Variants in ATP2B2 observed in about 807,000 individuals in gnomAD.
ATP2B2 encodes ATPase plasma membrane Ca2+ transporting 2.
A neutral mutation model predicts 120.0 loss-of-function variants in ATP2B2; 15 were observed. The observed-to-expected ratio is 0.12, with a 90% CI of 0.08 to 0.19. The LOEUF (loss-of-function observed/expected upper bound fraction) is 0.19, where lower values mean the gene tolerates loss of function less well. ATP2B2 is among the 10% of genes least tolerant of loss of function. The pLI is 1.00. For missense variants in ATP2B2, 1,045 were observed against 1,719.8 expected, an observed-to-expected ratio of 0.61 and a Z score of 6.94; for synonymous variants, 694 against 700.3, an observed-to-expected ratio of 0.99 and a Z score of 0.14.
intron 2 of ATP2B2, among the ~76,000 whole-genome samples, chr3:10,577,575 G>A (rs1271902497): frequency 1.3e-5 from 2 of 152,196 alleles, no homozygotes; most frequent in East Asian, 3.8e-4. Context: ...CCCAACCTCA[G>A]AACGGGTTGT....
chr3:10,331,943 A>T lies in ATP2B2; in HGVS notation c.3421-2818T>A, dbSNP rs2059992025. 21 of 1,532,876 alleles carry T rather than the reference A, an allele frequency of 1.4e-5. No individual in the cohort carries two copies. In the South Asian group the frequency reaches 2.5e-4, roughly 18 times the overall value. 95.0% of individuals were successfully genotyped at this position (1,532,876 alleles called of 1,614,324 possible). ...CAAGGAAGCCAAGAGTCTGGGATTG[A>T]TTCACATTCATTTCAGGCTCAAGGT... On this transcript the variant is annotated intron_variant, in intron 22 of 22. Transcript: ENST00000360273.
rs190881173 is a variant in ATP2B2 at position 10,525,600 on chromosome 3, G to A, written c.-320+8439C>T. ...TTCCTCTTCCAGGTCCCCATCTAGGGTGCTGCATTGTATTTAGTCACCATG... is the reference window on the plus strand; with the variant it reads ...TTCCTCTTCCAGGTCCCCATCTAGGATGCTGCATTGTATTTAGTCACCATG... On this transcript the variant is annotated intron_variant, in intron 3 of 21. Transcript: ENST00000646379. Among the ~76,000 whole-genome samples the A allele has an allele frequency of 1.9e-3, 294 of 151,948 alleles. 5 individuals are homozygous for A. Among genetic ancestry groups the A allele is most frequent in the Admixed American group, 0.017 (257 of 15,230 alleles).
chr3:10,435,001 G>C (rs1236861998), intron 2 of ATP2B2, among the ~76,000 whole-genome samples: 1 of 152,246 alleles, frequency 6.6e-6, no homozygotes, highest in Non-Finnish European at 1.5e-5. Flanking sequence ...CTCTATGGGG[G>C]AAGAGAGTTC....
In ATP2B2 at chr3:10,328,840, T is replaced by A. The variant is rs2059906964; in HGVS notation, c.3706A>T (p.Ile1236Phe). Residue 1236 changes from isoleucine to phenylalanine, a missense_variant, in exon 23 of 23, where the codon ATC becomes TTC. Around this residue, in one of 11 missense-constraint regions of ATP2B2, gnomAD observed 211 missense variants for 385.1 expected, o/e 0.55. Coordinates refer to ENST00000360273, the MANE Select transcript of ATP2B2 (RefSeq NM_001001331.4). ...TAAAGCGACGTCTCCAGGCTGTGGATGGGGCTCCCTGGACTTGAAGAGGTA... is the reference window on the plus strand; with the variant it reads ...TAAAGCGACGTCTCCAGGCTGTGGAAGGGGCTCCCTGGACTTGAAGAGGTA... Reference protein sequence around the residue: ...SATSSSPGSPIHSLETSL With the variant: ...SATSSSPGSPFHSLETSL 2 of 1,611,846 alleles carry A rather than the reference T, an allele frequency of 1.2e-6. No individual in the cohort carries two copies. Among genetic ancestry groups the A allele is most frequent in the African/African-American group, 2.7e-5 (2 of 74,754 alleles).
intron 1 of ATP2B2, among the ~76,000 whole-genome samples, chr3:10,693,136 C>T (rs1226952288): frequency 2.0e-5 from 3 of 152,196 alleles, no homozygotes; most frequent in Non-Finnish European, 1.5e-5. Flanking sequence ...GAAGTCATTC[C>T]ACAACCAACA....
intron 8 of ATP2B2, among the ~76,000 whole-genome samples, chr3:10,379,887 T>C (rs2061485100): frequency 2.0e-5 from 3 of 151,992 alleles, no homozygotes; most frequent in Admixed American, 2.0e-4. Context: ...GGATGATCTT[T>C]CTCCTTCACA....
intron 2 of ATP2B2, among the ~76,000 whole-genome samples, chr3:10,437,981 G>A (rs2063531520): frequency 6.6e-6 from 1 of 152,182 alleles, no homozygotes; most frequent in Non-Finnish European, 1.5e-5. Context: ...ATGAATTTCT[G>A]TCATTTAAGC....
chr3:10,624,113 C>G (rs1490030835), intron 1 of ATP2B2, among the ~76,000 whole-genome samples: 1 of 152,188 alleles, frequency 6.6e-6, no homozygotes, highest in Non-Finnish European at 1.5e-5. Context: ...AGTCCTGCAT[C>G]ATAGAAACCA....
chr3:10,379,144 G>A (rs1575065892), intron 9 of ATP2B2, 99 bp downstream of exon 9: 1 of 1,392,296 alleles, frequency 7.2e-7, no homozygotes, highest in East Asian at 2.4e-5. Flanking sequence ...GGATGTGTCT[G>A]CCTCTGGCCC....
At chr3:10,661,862 A>G (rs1163001814) in intron 1 of ATP2B2, among the ~76,000 whole-genome samples, 1 of 152,248 alleles carries the variant, frequency 6.6e-6, no homozygotes, top group Admixed American at 6.5e-5. Flanking sequence ...CTACAAGGCT[A>G]CAGTAACCAA....
At chr3:10,492,643 G>A (rs1424603523) in intron 1 of ATP2B2, among the ~76,000 whole-genome samples, 2 of 152,250 alleles carry the variant, frequency 1.3e-5, no homozygotes, top group South Asian at 2.1e-4. Flanking sequence ...CCTCATTTGC[G>A]ACTGCACCCC....
intron 3 of ATP2B2, among the ~76,000 whole-genome samples, chr3:10,512,555 AC>A (rs1479930594): frequency 5.3e-5 from 8 of 150,852 alleles, no homozygotes; most frequent in Non-Finnish European, 7.4e-5. Flanking sequence ...GGAGAGTATC[AC>A]CCCCACTTTA....
chr3:10,668,923 C>T (rs1034492355), intron 1 of ATP2B2, among the ~76,000 whole-genome samples: 1 of 152,208 alleles, frequency 6.6e-6, no homozygotes, highest in Non-Finnish European at 1.5e-5. Context: ...GCTCACACAA[C>T]CCGAGGAGAG....
At chr3:10,362,722 C>T (rs1444926760) in intron 12 of ATP2B2, among the ~76,000 whole-genome samples, 1 of 152,206 alleles carries the variant, frequency 6.6e-6, no homozygotes, top group African/African-American at 2.4e-5. Flanking sequence ...GCCCCACTCC[C>T]AAGCTCTTTG....
In ATP2B2 at chr3:10,568,363, G is replaced by C. The variant is rs150746240; in HGVS notation, c.-414-34230C>G. Among the ~76,000 whole-genome samples, 956 of 152,288 alleles carry C rather than the reference G, an allele frequency of 6.3e-3. 10 individuals are homozygous for C. Among genetic ancestry groups the C allele is most frequent in the African/African-American group, 0.022 (901 of 41,546 alleles). Reference sequence around the variant, plus strand: ...GAGTGTCCAGGAGGTTTTCAAAGCAGCTTTTAGGCACCTGGTAGGATCAGG... The same window carrying C: ...GAGTGTCCAGGAGGTTTTCAAAGCACCTTTTAGGCACCTGGTAGGATCAGG... On this transcript the variant is annotated intron_variant, in intron 2 of 21. Transcript: ENST00000646379.
chr3:10,532,764 G>C (rs1355839858), intron 3 of ATP2B2, among the ~76,000 whole-genome samples: 2 of 152,210 alleles, frequency 1.3e-5, no homozygotes, highest in Non-Finnish European at 2.9e-5. Flanking sequence ...AGGCTGAACA[G>C]GGAGGCATGT....
At chr3:10,646,876 CG>C (rs1485136100) in intron 1 of ATP2B2, among the ~76,000 whole-genome samples, 2 of 152,180 alleles carry the variant, frequency 1.3e-5, no homozygotes, top group African/African-American at 4.8e-5. Context: ...CAACTCCCAT[CG>C]GAACAGAATT....
intron 3 of ATP2B2, among the ~76,000 whole-genome samples, chr3:10,521,702 T>C (rs1165814468): frequency 1.3e-5 from 2 of 152,204 alleles, no homozygotes; most frequent in African/African-American, 4.8e-5. Flanking sequence ...TAGAGACAAG[T>C]TGATTGTGAA....
chr3:10,613,622 A>G (rs1011247732), intron 2 of ATP2B2, among the ~76,000 whole-genome samples: 1 of 152,106 alleles, frequency 6.6e-6, no homozygotes, highest in Non-Finnish European at 1.5e-5. Flanking sequence ...AGGTCAGGTC[A>G]GCTCAACTGT....
Sources: allele counts gnomAD v4.1 joint callset (sites outside exome capture counted in the v4.1 genomes callset), GRCh38; gene constraint gnomAD v4.1.1; regional missense constraint gnomAD v4.1.1; transcripts MANE v1.5; gene names NCBI Gene and HGNC (gene_info 2026-07-23, HGNC 2026-07-21).